Variants in PABPC1L observed in about 807,000 individuals in gnomAD.
The protein encoded by PABPC1L is polyadenylate-binding protein 1-like.
Under a neutral mutation model 66.6 loss-of-function variants are expected in PABPC1L, and 31 were observed. That is an observed-to-expected ratio of 0.47 (90% confidence interval 0.35 to 0.63). PABPC1L has a LOEUF of 0.63. PABPC1L is among the 20% of genes least tolerant of loss of function. The pLI, the probability that PABPC1L is intolerant of heterozygous loss-of-function variation, is 0.00. For missense variants in PABPC1L, 722 were observed against 848.8 expected (o/e 0.85, Z 1.86); for synonymous variants, 348 against 335.1 (o/e 1.04, Z -0.42).
intron 3 of PABPC1L, among the ~76,000 whole-genome samples, chr20:44,917,671 C>G (rs183842650): frequency 6.6e-6 from 1 of 152,166 alleles, no homozygotes; most frequent in Non-Finnish European, 1.5e-5. Flanking sequence ...TGTTCCCTGC[C>G]CAGAATTTTG....
chr20:44,920,979 A>C (rs1173179087), intron 5 of PABPC1L, among the ~76,000 whole-genome samples: 1 of 142,948 alleles, frequency 7.0e-6, no homozygotes. Flanking sequence ...TGCCTGGCTA[A>C]TTTTTGTATT....
rs141753575 is a variant in PABPC1L, at chr20:44,929,226, C to T, written c.973-1234C>T. ...GCAGTGAGCTATGATCATACCACTG[C>T]ACTCCAGCCTGGATGACAGAGTGAG... is the stretch of plus-strand genomic sequence containing the variant. On this transcript the variant is annotated intron_variant, in intron 7 of 14. Coordinates refer to ENST00000217073, the MANE Select transcript of PABPC1L (RefSeq NM_001372179.1). Among the ~76,000 whole-genome samples the T allele has an allele frequency of 5.6e-3, 856 of 152,186 alleles. 9 individuals carry two copies. Among genetic ancestry groups the T allele is most frequent in the African/African-American group, 0.019 (791 of 41,516 alleles).
intron 5 of PABPC1L, 41 bp from the exon 6 acceptor site, chr20:44,921,553 T>G: frequency 6.2e-7 from 1 of 1,610,178 alleles, no homozygotes; most frequent in South Asian, 1.1e-5. Flanking sequence ...CAGGGCCACA[T>G]CTGAGTGGTT....
intron 3 of PABPC1L, among the ~76,000 whole-genome samples, chr20:44,917,559 A>G (rs558751738): frequency 6.6e-6 from 1 of 152,246 alleles, no homozygotes; most frequent in East Asian, 1.9e-4. Flanking sequence ...AAAAGTAGGC[A>G]TATGCTAAGC....
chr20:44,926,363 A>G (rs2066809337), intron 7 of PABPC1L, among the ~76,000 whole-genome samples: 3 of 151,732 alleles, frequency 2.0e-5, no homozygotes, highest in African/African-American at 7.3e-5. Flanking sequence ...AGTAGCTGGG[A>G]TTACAGGCAC....
chr20:44,931,016 C>CCTTCCTTCCTTCCTTCCTTCCTT (rs1180097668), intron 8 of PABPC1L, among the ~76,000 whole-genome samples: 8 of 49,114 alleles, frequency 1.6e-4, no homozygotes, highest in African/African-American at 6.0e-4. Context: ...TCCCTTCCTT[C>CCTTCCTTCCTTCCTTCCTTCCTT]CCTTCCCTCC....
chr20:44,929,158 A>G (rs1601119196), intron 7 of PABPC1L, among the ~76,000 whole-genome samples: 1 of 151,704 alleles, frequency 6.6e-6, no homozygotes, highest in African/African-American at 2.4e-5. Context: ...ACTACTTGAG[A>G]GGCTGAGGCA....
chr20:44,932,513 C>A, intron 9 of PABPC1L, 81 bp downstream of exon 9: 1 of 1,262,022 alleles, frequency 7.9e-7, no homozygotes, highest in Non-Finnish European at 1.1e-6. Flanking sequence ...AGGGATGAAA[C>A]CTGGCTCTGC....
At position 44,919,036 on chromosome 20, in the gene PABPC1L, T is replaced by G. The variant is rs2075960; in HGVS notation, c.634T>G (p.Ser212Ala). Residue 212 changes from serine to alanine, a missense_variant, in exon 4 of 15, where the codon TCC becomes GCC. Physicochemically the swap from Ser to Ala is moderately conservative, Grantham distance 99. Around this residue, in one of 3 missense-constraint regions of PABPC1L, gnomAD observed 284 missense variants for 294.8 expected, o/e 0.96. Coordinates refer to ENST00000217073, the MANE Select transcript of PABPC1L (RefSeq NM_001372179.1). ...CGAGCAAGGCCTGCAGGACCTCTTC[T>G]CCCAGTTTGGTGGGTGTGTCCCCAA... ...VDEQGLQDLFSQFGKMLSVKV... is the reference protein window; with the variant it reads ...VDEQGLQDLFAQFGKMLSVKV... 403,561 of 1,611,032 alleles carry G rather than the reference T, an allele frequency of 0.25. 51,615 individuals are homozygous for G. Among genetic ancestry groups the G allele is most frequent in the Admixed American group, 0.33 (19,891 of 59,762 alleles).
chr20:44,918,327 G>A (rs1183591374), intron 3 of PABPC1L, among the ~76,000 whole-genome samples: 3 of 152,278 alleles, frequency 2.0e-5, no homozygotes, highest in Non-Finnish European at 4.4e-5. Flanking sequence ...GAAACTCAGT[G>A]TCAAAAACAT....
intron 6 of PABPC1L, 82 bp from the exon 7 acceptor site, chr20:44,924,079 C>A: frequency 8.7e-7 from 1 of 1,150,438 alleles, no homozygotes; most frequent in Non-Finnish European, 1.3e-6. Context: ...GCCCCTTGTA[C>A]CTGCGTCAGT....
At chr20:44,937,428 T>C (rs973199601) in intron 12 of PABPC1L, among the ~76,000 whole-genome samples, 11 of 151,638 alleles carry the variant, frequency 7.3e-5, no homozygotes, top group Non-Finnish European at 1.0e-4. Context: ...TTTTTTTTTT[T>C]CCCTGAGATG....
At chr20:44,928,764 T>C (rs911052460) in intron 7 of PABPC1L, among the ~76,000 whole-genome samples, 13 of 146,448 alleles carry the variant, frequency 8.9e-5, no homozygotes. Flanking sequence ...CTTGGGAGAC[T>C]GAGTTGAGAG....
At chr20:44,935,974 C>T (rs959554132) in intron 11 of PABPC1L, among the ~76,000 whole-genome samples, 1 of 151,948 alleles carries the variant, frequency 6.6e-6, no homozygotes, top group Admixed American at 6.6e-5. Context: ...GCAAAAATGT[C>T]TATTTTTTTT....
intron 2 of PABPC1L, among the ~76,000 whole-genome samples, chr20:44,913,592 T>G (rs1204710698): frequency 6.6e-6 from 1 of 152,082 alleles, no homozygotes; most frequent in East Asian, 1.9e-4. Context: ...GGATAATTTT[T>G]GTATGTTTAG....
Position 44,935,454 on chromosome 20 carries a change from TC to T in PABPC1L, c.1525del (p.Leu509CysfsTer28). ...GGATGCTGTACACCAGGCCGGCCGCTCCTGCCGTGCAAATGTTCCTCAGCAG... is the reference window on the plus strand; with the variant it reads ...GGATGCTGTACACCAGGCCGGCCGCTCTGCCGTGCAAATGTTCCTCAGCAG... ...GVGCCTPGRP[L>X]LPCKCSSAAH... On this transcript the variant is annotated frameshift_variant, in exon 11 of 15. Transcript: ENST00000217073. LOFTEE classifies it high-confidence loss of function. The T allele has an allele frequency of 6.2e-7, 1 of 1,614,188 alleles. No individual in the cohort carries two copies. The highest frequency in any genetic ancestry group is 8.5e-7 in the Non-Finnish European group (1 of 1,180,034).
rs1017968747 is a variant in PABPC1L at position 44,910,287 on chromosome 20, C to A, written c.144C>A (p.Thr48=). The A allele has an allele frequency of 6.5e-7, 1 of 1,549,278 alleles. No individual in the cohort carries two copies. Among genetic ancestry groups the A allele is most frequent in the Admixed American group, 1.9e-5 (1 of 51,392 alleles). Residue 48 remains threonine, a synonymous_variant, in exon 1 of 15, where the codon ACC becomes ACA. Coordinates refer to ENST00000217073, the MANE Select transcript of PABPC1L (RefSeq NM_001372179.1). ...TCCGCGTGTGCCGCGATGTAGCCACCCGGCGCTCGCTGGGCTACGCCTACA... is the reference window on the plus strand; with the variant it reads ...TCCGCGTGTGCCGCGATGTAGCCACACGGCGCTCGCTGGGCTACGCCTACA... ...LSIRVCRDVA[T]RRSLGYAYIN... is the part of the protein sequence containing the mutation.
In PABPC1L at chr20:44,920,577, T is replaced by G. The variant is rs1450002683; in HGVS notation, c.739-1017T>G. Among the ~76,000 whole-genome samples, 6 of 152,224 alleles carry G rather than the reference T, an allele frequency of 3.9e-5. No individual in the cohort carries two copies. The East Asian group carries it at 1.2e-3, about 29-fold the overall frequency. ...TCCGCCTCCTGGGTTCAAGTAATTC[T>G]CCTGCCTCAACCTCCCGAGTAGCTG... On this transcript the variant is annotated intron_variant, in intron 5 of 14. Transcript: ENST00000217073.
At chr20:44,912,553 A>T in intron 1 of PABPC1L, 107 bp from the exon 2 acceptor site, 1 of 961,680 alleles carries the variant, frequency 1.0e-6, no homozygotes, top group South Asian at 1.7e-5. Flanking sequence ...GGACCCAGAC[A>T]ATGACTTTCT....
Sources: gnomAD v4.1 joint callset for allele counts (sites outside exome capture counted in the v4.1 genomes callset) on GRCh38, gnomAD v4.1.1 for gene constraint, gnomAD v4.1.1 regional missense constraint, MANE v1.5 for transcripts, NCBI Gene and HGNC (gene_info 2026-07-23, HGNC 2026-07-21) for gene names.